REL: variants seen among roughly 807,000 people sequenced by gnomAD.
REL encodes the protein proto-oncogene c-Rel.
Under a neutral mutation model 45.9 loss-of-function variants are expected in REL, and 15 were observed. That is an observed-to-expected ratio of 0.33 (90% CI 0.22 to 0.50). The LOEUF is 0.50. REL is among the 20% of genes least tolerant of loss of function. The pLI is 0.98. For missense variants in REL, 601 were observed against 715.2 expected, an observed-to-expected ratio of 0.84 and a Z score of 1.82; for synonymous variants, 239 against 242.1, an observed-to-expected ratio of 0.99 and a Z score of 0.12.
intron 4 of REL, among the ~76,000 whole-genome samples, chr2:60,912,303 A>G (rs1395211406): frequency 6.6e-6 from 1 of 152,166 alleles, no homozygotes; most frequent in Non-Finnish European, 1.5e-5. Flanking sequence ...TCTTTCTTAA[A>G]TGTATGTATA....
chr2:60,888,619 G>T (rs1673129738), intron 1 of REL, among the ~76,000 whole-genome samples: 1 of 152,144 alleles, frequency 6.6e-6, no homozygotes, highest in Non-Finnish European at 1.5e-5. Context: ...TTATGAACTT[G>T]TTTAGGTTAA....
At chr2:60,896,162 C>T (rs904982869) in intron 3 of REL, among the ~76,000 whole-genome samples, 15 of 152,128 alleles carry the variant, frequency 9.9e-5, no homozygotes, top group Admixed American at 8.5e-4. Context: ...TGCCACCATG[C>T]CCAGCTAATT....
At chr2:60,910,618 C>T (rs998146039) in intron 4 of REL, among the ~76,000 whole-genome samples, 1 of 151,898 alleles carries the variant, frequency 6.6e-6, no homozygotes, top group African/African-American at 2.4e-5. Context: ...TGCTTCCTTC[C>T]GTTAGTTTCT....
At chr2:60,903,317 G>A (rs971949481) in intron 4 of REL, among the ~76,000 whole-genome samples, 73 of 152,192 alleles carry the variant, frequency 4.8e-4, no homozygotes, top group African/African-American at 1.8e-3. Flanking sequence ...CAGGTTCCTT[G>A]ACTCCAGTGG....
chr2:60,884,835 G>A (rs572516536), intron 1 of REL, among the ~76,000 whole-genome samples: 2 of 152,276 alleles, frequency 1.3e-5, no homozygotes, highest in Admixed American at 6.5e-5. Flanking sequence ...TTTGTAGTGT[G>A]AATTTCAAGA....
chr2:60,897,228 T>C (rs1388254427), intron 3 of REL, among the ~76,000 whole-genome samples: 2 of 152,176 alleles, frequency 1.3e-5, no homozygotes, highest in African/African-American at 4.8e-5. Context: ...TTTTTTGATA[T>C]GCCGTCATCT....
chr2:60,887,130 A>G (rs1673090725), intron 1 of REL, among the ~76,000 whole-genome samples: 1 of 152,220 alleles, frequency 6.6e-6, no homozygotes, highest in Non-Finnish European at 1.5e-5. Context: ...CACATTTTAT[A>G]TTCAGGAAGA....
chr2:60,919,446 T>TG (rs1413987132), intron 7 of REL, among the ~76,000 whole-genome samples: 4 of 151,828 alleles, frequency 2.6e-5, no homozygotes, highest in Non-Finnish European at 5.9e-5. Flanking sequence ...GTTTTTGAGA[T>TG]GGAGTCTTGC....
At chr2:60,907,080 C>T (rs1035440594) in intron 4 of REL, among the ~76,000 whole-genome samples, 4 of 151,278 alleles carry the variant, frequency 2.6e-5, no homozygotes, top group Middle Eastern at 3.4e-3. Context: ...CCACCATGCC[C>T]AGCTAATTTT....
Position 60,920,291 on chromosome 2 carries a change from C to A in REL, c.922+182C>A, listed in dbSNP as rs753360439. The A allele has an allele frequency of 6.4e-6, 4 of 622,710 alleles. No homozygotes were observed. In the South Asian group the frequency reaches 8.2e-5, roughly 13 times the overall value. 38.6% of individuals were successfully genotyped at this position (622,710 alleles called of 1,614,324 possible). On this transcript the variant is annotated intron_variant, in intron 8 of 9. Coordinates refer to ENST00000394479, the MANE Select transcript of REL (RefSeq NM_001291746.2). ...ATCTCAACTCACTGCAACCTCTGCC[C>A]CCCAGGTTCAACAATTCTCCTGCCT...
chr2:60,904,081 G>A (rs142448871), intron 4 of REL, among the ~76,000 whole-genome samples: 13 of 151,448 alleles, frequency 8.6e-5, no homozygotes, highest in African/African-American at 2.7e-4. Flanking sequence ...TACGAAATAG[G>A]TACTATTAAT....
At chr2:60,890,183 A>G (rs913436358) in intron 1 of REL, among the ~76,000 whole-genome samples, 1 of 152,154 alleles carries the variant, frequency 6.6e-6, no homozygotes, top group Non-Finnish European at 1.5e-5. Flanking sequence ...TTTGATTTGC[A>G]TTTCTCTGAT....
Position 60,921,961 on chromosome 2 carries a change from G to A in REL, c.1190G>A (p.Ser397Asn), listed in dbSNP as rs765273895. ...TPRSGNTNPL[S>N]SFSTRTLPSN... ...CGCTCAGGCAATACAAACCCACTGA[G>A]TAGTTTTTCAACAAGGACACTTCCT... Residue 397 changes from serine (S) to asparagine (N), a missense_variant, in exon 10 of 10, where the codon AGT becomes AAT. By Grantham distance (46) the Ser-to-Asn change is conservative. Coordinates refer to ENST00000394479, the MANE Select transcript of REL (RefSeq NM_001291746.2). The A allele has an allele frequency of 1.2e-6, 2 of 1,614,126 alleles. No homozygotes were observed. Among genetic ancestry groups the A allele is most frequent in the Non-Finnish European group, 1.7e-6 (2 of 1,180,034 alleles).
intron 1 of REL, among the ~76,000 whole-genome samples, chr2:60,884,842 A>G (rs1274876949): frequency 6.6e-6 from 1 of 152,142 alleles, no homozygotes; most frequent in Non-Finnish European, 1.5e-5. Context: ...TGTGAATTTC[A>G]AGAGAATTGT....
intron 4 of REL, among the ~76,000 whole-genome samples, chr2:60,914,750 G>A (rs1420257930): frequency 1.3e-5 from 2 of 151,600 alleles, no homozygotes; most frequent in Non-Finnish European, 2.9e-5. Context: ...GAAGCATACA[G>A]TATACTTTTG....
In REL at chr2:60,921,885, A is replaced by G. The variant is rs150652295; in HGVS notation, c.1114A>G (p.Met372Val). 2.4e-5 allele frequency: 38 copies of G among 1,613,924 alleles called. No homozygotes were observed. The highest frequency in any genetic ancestry group is 1.3e-4 in the East Asian group (6 of 44,886). ...AAGTGGATTGTCACATCATGCCTCA[A>G]TGGCACCTCTGCCTTCTTCAAGCTG... ...ISSGLSHHAS[M>V]APLPSSSWSS... Residue 372 changes from methionine (M) to valine (V), a missense_variant, in exon 10 of 10, where the codon ATG (methionine) becomes GTG (valine). Physicochemically the swap from Met to Val is conservative, Grantham distance 21. Transcript: ENST00000394479.
intron 5 of REL, among the ~76,000 whole-genome samples, chr2:60,917,500 A>G (rs1036330240): frequency 6.7e-6 from 1 of 150,018 alleles, no homozygotes; most frequent in Non-Finnish European, 1.5e-5. Flanking sequence ...CTGTACTGCA[A>G]TACATATTCT....
chr2:60,883,609 T>C (rs111914554), intron 1 of REL, among the ~76,000 whole-genome samples: 13 of 152,224 alleles, frequency 8.5e-5, no homozygotes, highest in Non-Finnish European at 1.9e-4. Context: ...AATCAAACTT[T>C]ATTGATATAT....
rs1005534308 is a variant in REL at position 60,881,589 on chromosome 2, C to T, written c.-252C>T. The stretch of plus-strand genomic sequence containing the variant: ...CTGGGCCAGCACTCGGCTCTCCCCG[C>T]TCCGCCCCCTGCCCCTGGCTCCCGT... On this transcript the variant is annotated 5_prime_UTR_variant, in exon 1 of 10. Coordinates refer to ENST00000394479, the MANE Select transcript of REL (RefSeq NM_001291746.2). 8.1e-6 allele frequency: 4 copies of T among 495,226 alleles called. No individual in the cohort carries two copies. Among genetic ancestry groups the T allele is most frequent in the Non-Finnish European group, 1.1e-5 (3 of 278,496 alleles). The allele number at this position is 495,226 out of a possible 1,614,324, so 30.7% of individuals were successfully genotyped here.
Sources: gnomAD v4.1 joint callset for allele counts (sites outside exome capture counted in the v4.1 genomes callset) on GRCh38, gnomAD v4.1.1 for gene constraint, MANE v1.5 for transcripts, NCBI Gene and HGNC (gene_info 2026-07-23, HGNC 2026-07-21) for gene names.